The following NHSL1 variants were observed in gnomAD, a reference collection of about 807,000 sequenced individuals.
NHSL1 encodes the protein NHS-like protein 1.
NHSL1 carries 48 observed loss-of-function variants against 95.0 expected under a neutral mutation model. The ratio of observed to expected loss-of-function variants is 0.51; its 90% CI spans 0.40 to 0.64. The LOEUF is 0.64. NHSL1 is among the 30% of genes least tolerant of loss of function. NHSL1 has a pLI of 0.00. For synonymous variants in NHSL1, 783 were observed against 833.9 expected (o/e 0.94, Z 1.05); for missense variants, 1,971 against 2,077.7 (o/e 0.95, Z 1.00).
At chr6:138,453,934 G>A (rs1411315501) in intron 3 of NHSL1, among the ~76,000 whole-genome samples, 2 of 152,128 alleles carry the variant, frequency 1.3e-5, no homozygotes, top group African/African-American at 4.8e-5. Flanking sequence ...TTCCTCAAAT[G>A]AAAGAAAATA....
intron 1 of NHSL1, among the ~76,000 whole-genome samples, chr6:138,663,240 T>G (rs920742900): frequency 6.6e-6 from 1 of 152,136 alleles, no homozygotes. Flanking sequence ...ATATATGGTA[T>G]GCTGTCATTG....
At chr6:138,446,033 AT>A (rs201605598) in intron 4 of NHSL1, among the ~76,000 whole-genome samples, 8,226 of 133,210 alleles carry the variant, frequency 0.062, 242 homozygotes, top group Non-Finnish European at 0.095. Flanking sequence ...GAAAATTTTG[AT>A]TTTTTTTTTT....
intron 1 of NHSL1, among the ~76,000 whole-genome samples, chr6:138,507,120 AT>A (rs1198633639): frequency 1.3e-5 from 2 of 152,222 alleles, no homozygotes; most frequent in Non-Finnish European, 2.9e-5. Context: ...TAAGAGGAAT[AT>A]TAGAGCAGCC....
rs555302858 is a variant in NHSL1, at chr6:138,431,237, C to A, written c.3108G>T (p.Pro1036=). The part of the protein sequence containing the change: ...LDPKFMKDTR[P]PFTNSGQPES... ...CTGGCTGGCCAGAATTTGTGAAAGGCGGCCTGGTGTCTTTCATGAATTTGG... is the reference window on the plus strand; with the variant it reads ...CTGGCTGGCCAGAATTTGTGAAAGGAGGCCTGGTGTCTTTCATGAATTTGG... Residue 1036 remains proline, a synonymous_variant, in exon 6 of 8, where the codon CCG becomes CCT. Coordinates refer to ENST00000343505, the MANE Select transcript of NHSL1 (RefSeq NM_001144060.2). This position sits in a 1 kb window ranked among gnomAD's most constrained non-coding sequence, Gnocchi z 4.0. 2.6e-6 allele frequency: 4 copies of A among 1,518,484 alleles called. No individual in the cohort carries two copies. The highest frequency in any genetic ancestry group is 3.5e-6 in the Non-Finnish European group (4 of 1,129,436). The allele number at this position is 1,518,484 out of a possible 1,614,324, so 94.1% of individuals were successfully genotyped here.
chr6:138,440,976 G>GT (rs2128213821), intron 5 of NHSL1, among the ~76,000 whole-genome samples: 1 of 152,314 alleles, frequency 6.6e-6, no homozygotes, highest in African/African-American at 2.4e-5. Context: ...TTCAAGACAG[G>GT]TAGTATTAAG....
At chr6:138,516,635 T>C (rs532212893) in intron 1 of NHSL1, among the ~76,000 whole-genome samples, 72 of 152,228 alleles carry the variant, frequency 4.7e-4, no homozygotes, top group African/African-American at 1.7e-3. Context: ...AATAGGCAAT[T>C]CGTGTTTTTG....
chr6:138,682,229 C>T (rs1421081766), intron 1 of NHSL1, among the ~76,000 whole-genome samples: 2 of 152,002 alleles, frequency 1.3e-5, no homozygotes, highest in Non-Finnish European at 2.9e-5. Context: ...CTTATGAAAC[C>T]AATCAAAAGG....
intron 1 of NHSL1, among the ~76,000 whole-genome samples, chr6:138,563,497 A>G (rs2114327235): frequency 6.6e-6 from 1 of 152,380 alleles, no homozygotes; most frequent in East Asian, 1.9e-4. Flanking sequence ...CACTAGGATA[A>G]AGACATTTTT....
intron 1 of NHSL1, among the ~76,000 whole-genome samples, chr6:138,615,619 T>C (rs1205392529): frequency 1.3e-5 from 2 of 152,214 alleles, no homozygotes; most frequent in East Asian, 3.8e-4. Flanking sequence ...TACAGGCGCA[T>C]GCCACCATGC....
At chr6:138,548,264 G>C (rs138041876), upstream of NHSL1, among the ~76,000 whole-genome samples, 1 of 152,148 alleles carries the variant, frequency 6.6e-6, no homozygotes, top group Admixed American at 6.5e-5. Context: ...GATTACAGGC[G>C]TGAGCCACTG....
chr6:138,485,251 G>T (rs1161536846), intron 2 of NHSL1, among the ~76,000 whole-genome samples: 1 of 152,132 alleles, frequency 6.6e-6, no homozygotes, highest in Admixed American at 6.5e-5. Flanking sequence ...ATGCTGCCCT[G>T]AGTGAAATAT....
At chr6:138,467,594 C>T (rs1296428456) in intron 3 of NHSL1, among the ~76,000 whole-genome samples, 1 of 152,094 alleles carries the variant, frequency 6.6e-6, no homozygotes. Flanking sequence ...TGTTATTGCC[C>T]CGAGGAACTT....
upstream of NHSL1, among the ~76,000 whole-genome samples, chr6:138,503,658 C>A (rs1780806085): frequency 6.6e-6 from 1 of 152,126 alleles, no homozygotes; most frequent in Admixed American, 6.5e-5. Context: ...ACTACCTGGA[C>A]CTTTAAGAGA....
chr6:138,677,356 CGA>C (rs1351821308), intron 1 of NHSL1, among the ~76,000 whole-genome samples: 5 of 152,080 alleles, frequency 3.3e-5, no homozygotes, highest in Non-Finnish European at 7.4e-5. Context: ...GTGATTGTGT[CGA>C]GTCACCTCTC....
At chr6:138,477,841 C>T (rs1258778753) in intron 2 of NHSL1, among the ~76,000 whole-genome samples, 1 of 151,894 alleles carries the variant, frequency 6.6e-6, no homozygotes, top group East Asian at 1.9e-4. Context: ...TTGAAAATAG[C>T]CAAAATGACT....
intron 2 of NHSL1, among the ~76,000 whole-genome samples, chr6:138,488,132 G>C (rs1261408827): frequency 6.6e-6 from 1 of 152,108 alleles, no homozygotes; most frequent in East Asian, 1.9e-4. Flanking sequence ...ACAAAAATTA[G>C]CTGGGCATGG....
intron 1 of NHSL1, among the ~76,000 whole-genome samples, chr6:138,670,558 T>C (rs1025064929): frequency 3.5e-5 from 5 of 142,296 alleles, no homozygotes; most frequent in Admixed American, 7.3e-5. Context: ...CCCAGCTACT[T>C]GGGAGGCTGA....
At chr6:138,501,370 T>A (rs1583313632), upstream of NHSL1, among the ~76,000 whole-genome samples, 1 of 152,294 alleles carries the variant, frequency 6.6e-6, no homozygotes, top group South Asian at 2.1e-4. Context: ...ACTACAATTT[T>A]GTGGTATATT....
At chr6:138,435,496 T>C (rs745789504) in intron 5 of NHSL1, among the ~76,000 whole-genome samples, 1 of 152,134 alleles carries the variant, frequency 6.6e-6, no homozygotes, top group African/African-American at 2.4e-5. Flanking sequence ...ATAACTTTCT[T>C]ATTAAAACAA....
Sources: allele counts gnomAD v4.1 joint callset (sites outside exome capture counted in the v4.1 genomes callset), GRCh38; gene constraint gnomAD v4.1.1; non-coding constraint Gnocchi (gnomAD v3.1); transcripts MANE v1.5; gene names NCBI Gene and HGNC (gene_info 2026-07-23, HGNC 2026-07-21).